The following ST6GAL1 variants were observed in gnomAD, a reference collection of about 807,000 sequenced individuals.
The protein encoded by ST6GAL1 is ST6 beta-galactoside alpha-2,6-sialyltransferase 1.
A neutral mutation model predicts 38.0 loss-of-function variants in ST6GAL1; 20 were observed. That is an observed-to-expected ratio of 0.53 (90% CI 0.37 to 0.77). The LOEUF (loss-of-function observed/expected upper bound fraction) is 0.77, where lower values mean the gene tolerates loss of function less well. ST6GAL1 is among the 30% of genes least tolerant of loss of function. The probability of loss-of-function intolerance (pLI) is 0.00; values close to 1 mark genes in which losing one functional copy is unlikely to be tolerated. For missense variants in ST6GAL1, 432 were observed against 496.4 expected, an observed-to-expected ratio of 0.87 and a Z score of 1.23; for synonymous variants, 196 against 188.2, an observed-to-expected ratio of 1.04 and a Z score of -0.34.
At chr3:187,041,653 T>C (rs1264057817) in intron 3 of ST6GAL1, among the ~76,000 whole-genome samples, 2 of 152,210 alleles carry the variant, frequency 1.3e-5, no homozygotes, top group Non-Finnish European at 2.9e-5. Flanking sequence ...TCCACTTCGA[T>C]TTGAACCTCA....
At chr3:186,992,838 AC>A (rs1716223478) in intron 2 of ST6GAL1, among the ~76,000 whole-genome samples, 1 of 152,158 alleles carries the variant, frequency 6.6e-6, no homozygotes, top group Admixed American at 6.5e-5. Flanking sequence ...TTTTTTGAGA[AC>A]AGAAAAGCAA....
At chr3:187,004,439 T>C (rs1716715450) in intron 2 of ST6GAL1, among the ~76,000 whole-genome samples, 1 of 152,232 alleles carries the variant, frequency 6.6e-6, no homozygotes, top group African/African-American at 2.4e-5. Flanking sequence ...AGTTTTTCTA[T>C]AGAAAGATGG....
intron 3 of ST6GAL1, 85 bp from the exon 4 acceptor site, chr3:187,042,569 T>G: frequency 7.8e-7 from 1 of 1,281,598 alleles, no homozygotes. Flanking sequence ...TCATTTCAAA[T>G]CTATTGCTCA....
chr3:187,034,689 T>A (rs1321298206), intron 2 of ST6GAL1, among the ~76,000 whole-genome samples: 1 of 152,176 alleles, frequency 6.6e-6, no homozygotes, highest in Non-Finnish European at 1.5e-5. Flanking sequence ...AAAAAGATTT[T>A]GATAAAATCC....
At position 187,075,186 on chromosome 3, in the gene ST6GAL1, CAT is replaced by C. The variant is rs1374800629; in HGVS notation, c.980-375_980-374del. Among the ~76,000 whole-genome samples the C allele has an allele frequency of 1.3e-5, 2 of 152,356 alleles. No homozygotes were observed. Among genetic ancestry groups the C allele is most frequent in the East Asian group, 3.9e-4 (2 of 5,186 alleles). On this transcript the variant is annotated intron_variant, in intron 7 of 7. Transcript: ENST00000169298. This position sits in a 1 kb window ranked among gnomAD's most constrained non-coding sequence, Gnocchi z 4.1. ...ACAGTGCTAGAAAGTGCTAACTACA[CAT>C]GATGCCACTGTCTCCTCAATCAGCT...
intron 5 of ST6GAL1, among the ~76,000 whole-genome samples, chr3:187,067,216 A>G (rs373968894): frequency 1.6e-3 from 244 of 148,104 alleles, no homozygotes; most frequent in African/African-American, 4.8e-3. Context: ...CCTTCTGAGT[A>G]GCTGAGATTT....
chr3:187,062,552 T>C (rs748010388), intron 5 of ST6GAL1, among the ~76,000 whole-genome samples: 16 of 141,550 alleles, frequency 1.1e-4, no homozygotes, highest in African/African-American at 4.1e-4. Context: ...CTGAAGACAT[T>C]ATGCCAAGTG....
chr3:186,983,338 T>C (rs752713098), intron 2 of ST6GAL1, among the ~76,000 whole-genome samples: 2 of 152,192 alleles, frequency 1.3e-5, no homozygotes, highest in Non-Finnish European at 2.9e-5. Context: ...TAGAATATAA[T>C]TGAGATTTAA....
intron 2 of ST6GAL1, among the ~76,000 whole-genome samples, chr3:186,991,866 G>C (rs1375193248): frequency 6.6e-6 from 1 of 152,134 alleles, no homozygotes; most frequent in Non-Finnish European, 1.5e-5. Flanking sequence ...ATAGAACTCA[G>C]AGTTGGAATC....
chr3:186,935,178 G>A (rs982867575), intron 1 of ST6GAL1, among the ~76,000 whole-genome samples: 4 of 151,772 alleles, frequency 2.6e-5, no homozygotes, highest in African/African-American at 9.7e-5. Context: ...CTTCAAGAAG[G>A]CCCTGGTGTC....
At chr3:187,020,326 C>G (rs753294474) in intron 2 of ST6GAL1, among the ~76,000 whole-genome samples, 1 of 151,872 alleles carries the variant, frequency 6.6e-6, no homozygotes, top group Non-Finnish European at 1.5e-5. Context: ...AAACAAAACA[C>G]ACCGTGGTTT....
At chr3:187,028,603 T>A (rs985206379) in intron 2 of ST6GAL1, among the ~76,000 whole-genome samples, 5 of 152,064 alleles carry the variant, frequency 3.3e-5, no homozygotes, top group African/African-American at 1.2e-4. Context: ...CTAACAAAAT[T>A]AACAATAATT....
At chr3:186,954,156 T>C (rs1383617364) in intron 1 of ST6GAL1, among the ~76,000 whole-genome samples, 1 of 152,242 alleles carries the variant, frequency 6.6e-6, no homozygotes, top group East Asian at 1.9e-4. Flanking sequence ...GCAAAGGACA[T>C]GATCTCTTTC....
intron 2 of ST6GAL1, among the ~76,000 whole-genome samples, chr3:186,979,311 A>T (rs181112511): frequency 6.6e-6 from 1 of 152,118 alleles, no homozygotes; most frequent in African/African-American, 2.4e-5. Context: ...TGCCTGGAGC[A>T]TTACTGCAAA....
chr3:187,001,685 C>T (rs1275012915), intron 2 of ST6GAL1, among the ~76,000 whole-genome samples: 1 of 152,200 alleles, frequency 6.6e-6, no homozygotes, highest in African/African-American at 2.4e-5. Flanking sequence ...CGGCCGGGCT[C>T]AGTGGCTCAC....
chr3:187,014,592 CT>C (rs1224503836), intron 2 of ST6GAL1, among the ~76,000 whole-genome samples: 1 of 152,204 alleles, frequency 6.6e-6, no homozygotes, highest in Non-Finnish European at 1.5e-5. Context: ...ACATTCTGTG[CT>C]TGGTCAGCAT....
intron 2 of ST6GAL1, among the ~76,000 whole-genome samples, chr3:186,968,615 A>G (rs1460125178): frequency 6.6e-6 from 1 of 152,128 alleles, no homozygotes; most frequent in East Asian, 1.9e-4. Flanking sequence ...CTGGAGCTTT[A>G]TGTAAATGGA....
chr3:187,027,673 C>T (rs142158228), intron 2 of ST6GAL1, among the ~76,000 whole-genome samples: 6 of 152,156 alleles, frequency 3.9e-5, no homozygotes, highest in Non-Finnish European at 7.4e-5. Flanking sequence ...CTGACAGAAC[C>T]GACTTTCCGG....
chr3:186,947,400 C>T (rs1187313648), intron 1 of ST6GAL1, among the ~76,000 whole-genome samples: 1 of 152,176 alleles, frequency 6.6e-6, no homozygotes, highest in Non-Finnish European at 1.5e-5. Flanking sequence ...CCCTGTGCTG[C>T]CTGCACAGCC....
Sources: allele counts gnomAD v4.1 joint callset (sites outside exome capture counted in the v4.1 genomes callset), GRCh38; gene constraint gnomAD v4.1.1; non-coding constraint Gnocchi (gnomAD v3.1); transcripts MANE v1.5; gene names NCBI Gene and HGNC (gene_info 2026-07-23, HGNC 2026-07-21).